The following TNS1 variants were observed in gnomAD, a reference collection of about 807,000 sequenced individuals.
The protein encoded by TNS1 is tensin-1.
Under a neutral mutation model 168.6 loss-of-function variants are expected in TNS1, and 62 were observed. The ratio of observed to expected loss-of-function variants is 0.37; its 90% CI spans 0.30 to 0.45. The LOEUF is 0.45. TNS1 is among the 20% of genes least tolerant of loss of function. TNS1 has a pLI of 1.00. For synonymous variants in TNS1, 934 were observed against 933.2 expected (o/e 1.00, Z -0.02); for missense variants, 2,240 against 2,339.4 (o/e 0.96, Z 0.88).
Position 218,010,009 on chromosome 2 carries a change from C to A in TNS1, c.96+91G>T, listed in dbSNP as rs1014748980. On this transcript the variant is annotated intron_variant, in intron 1 of 32. Coordinates refer to the TNS1 transcript ENST00000646520. The stretch of plus-strand genomic sequence containing the variant: ...GAGAGTGGAGGGTAGTAAGTCAGAT[C>A]GAATGCCCAGGAGACTGCGGGAGGG... 1.1e-5 allele frequency: 4 copies of A among 376,542 alleles called. No homozygotes were observed. The East Asian group carries it at 1.1e-4, about 10-fold the overall frequency. The allele number at this position is 376,542 out of a possible 1,614,324, so 23.3% of individuals were successfully genotyped here.
chr2:217,848,065 G>A lies in TNS1; in HGVS notation c.2452C>T (p.Leu818Phe). 1 of 1,540,246 alleles carries A rather than the reference G, an allele frequency of 6.5e-7. No homozygotes were observed. The highest frequency in any genetic ancestry group is 8.7e-7 in the Non-Finnish European group (1 of 1,143,418). The change falls in exon 19 of 33, where the codon CTC (leucine) becomes TTC (phenylalanine). Residue 818 changes from leucine (L) to phenylalanine (F), a missense_variant. Around this residue, in one of 2 missense-constraint regions of TNS1, gnomAD observed 2,131 missense variants for 2,171.2 expected, o/e 0.98. Coordinates refer to ENST00000682258, the MANE Select transcript of TNS1 (RefSeq NM_001387777.1). ...GAGGCTGCTCGCGGGAACTCAGGGA[G>A]ACTGGGGATGGGGGTCTCTGCCAAT... ...QPLAETPIPS[L>F]PEFPRAASQQ...
chr2:217,809,288 G>C (rs1467154099), intron 30 of TNS1, among the ~76,000 whole-genome samples: 1 of 100,264 alleles, frequency 1.0e-5, no homozygotes, highest in African/African-American at 4.6e-5. Context: ...TGCATGGATG[G>C]ATGGATGGAT....
chr2:217,850,045 T>G, intron 18 of TNS1: 1 of 985,392 alleles, frequency 1.0e-6, no homozygotes, highest in Non-Finnish European at 1.2e-6. Flanking sequence ...TCCCCAGCAC[T>G]GCCCACTCCT....
At chr2:217,851,600 C>A (rs1947505508) in intron 18 of TNS1, among the ~76,000 whole-genome samples, 1 of 152,146 alleles carries the variant, frequency 6.6e-6, no homozygotes, top group African/African-American at 2.4e-5. Context: ...CAAAGTATTG[C>A]AGCAGCCCAG....
rs945842743 is a variant in TNS1, at chr2:217,849,181, G to A, written c.1430-94C>T. 1.2e-5 allele frequency: 17 copies of A among 1,456,592 alleles called. No individual in the cohort carries two copies. The African/African-American group carries it at 1.7e-4, about 15-fold the overall frequency. 90.2% of individuals were successfully genotyped at this position (1,456,592 alleles called of 1,614,324 possible). A position where few individuals can be genotyped will look rare whatever the true frequency, so the allele number is the denominator to read the frequency against. On this transcript the variant is annotated intron_variant, in intron 18 of 32. Coordinates refer to ENST00000682258, the MANE Select transcript of TNS1 (RefSeq NM_001387777.1). ...ACTCTGCCAGAGAAAGAAGCTAAGA[G>A]CTCCCATGCCCTGCATCCTAAAACC... is the stretch of plus-strand genomic sequence containing the variant.
At chr2:218,016,645 G>GACCCAGATCT (rs1450572194) in intron 1 of TNS1, among the ~76,000 whole-genome samples, 1 of 152,210 alleles carries the variant, frequency 6.6e-6, no homozygotes, top group Non-Finnish European at 1.5e-5. Flanking sequence ...GGGGGACCCA[G>GACCCAGATCT]GTCACACAGA....
intron 21 of TNS1, among the ~76,000 whole-genome samples, chr2:217,833,986 A>G (rs541989761): frequency 1.3e-5 from 2 of 152,366 alleles, no homozygotes; most frequent in African/African-American, 4.8e-5. Flanking sequence ...TTTAACAAAA[A>G]TGTTATTAAA....
intron 18 of TNS1, among the ~76,000 whole-genome samples, chr2:217,864,884 C>T (rs1949116856): frequency 1.3e-5 from 2 of 152,182 alleles, no homozygotes; most frequent in South Asian, 4.1e-4. Flanking sequence ...AATTACAGCT[C>T]CCAATACTGT....
At chr2:217,946,286 C>T (rs769583750) in intron 3 of TNS1, among the ~76,000 whole-genome samples, 28 of 152,174 alleles carry the variant, frequency 1.8e-4, no homozygotes, top group Non-Finnish European at 3.2e-4. Flanking sequence ...GGCTCACTAA[C>T]GCCCTGACAT....
intron 1 of TNS1, among the ~76,000 whole-genome samples, chr2:218,030,838 A>G (rs1958885741): frequency 6.6e-6 from 1 of 152,198 alleles, no homozygotes; most frequent in Non-Finnish European, 1.5e-5. Context: ...ATGTTTGCAC[A>G]GTGGCTGTGT....
intron 32 of TNS1, among the ~76,000 whole-genome samples, chr2:217,807,290 G>C (rs1939327851): frequency 6.6e-6 from 1 of 152,188 alleles, no homozygotes; most frequent in Non-Finnish European, 1.5e-5. Flanking sequence ...CATGGTGATA[G>C]TCTCATGTCA....
At position 217,917,859 on chromosome 2, in the gene TNS1, T is replaced by C. The variant is rs1015743218; in HGVS notation, c.228+2336A>G. ...AAAAAAAAAAAAAAAGACTTGCGAC[T>C]GGGGGAAAAGCCTTGTGGGTATCTG... On this transcript the variant is annotated intron_variant, in intron 4 of 32. Coordinates refer to ENST00000682258, the MANE Select transcript of TNS1 (RefSeq NM_001387777.1). Among the ~76,000 whole-genome samples the C allele has an allele frequency of 5.4e-5, 7 of 129,698 alleles. No homozygotes were observed. In the South Asian group the frequency reaches 1.8e-3, roughly 33 times the overall value. The allele number at this position is 129,698 out of a possible 152,430, so 85.1% of individuals were successfully genotyped here.
intron 18 of TNS1, among the ~76,000 whole-genome samples, chr2:217,871,671 C>T (rs1283053574): frequency 6.6e-6 from 1 of 152,290 alleles, no homozygotes; most frequent in Non-Finnish European, 1.5e-5. Flanking sequence ...AGAGTGAGCA[C>T]TGGGACTCTG....
intron 3 of TNS1, among the ~76,000 whole-genome samples, chr2:217,967,753 A>G (rs77410613): frequency 0.015 from 2,283 of 152,334 alleles, 68 homozygotes; most frequent in African/African-American, 0.05. Flanking sequence ...AGAAGAATCA[A>G]TATCAATTCT....
chr2:217,881,006 G>A lies in TNS1; in HGVS notation c.1321C>T (p.His441Tyr). 1.9e-6 allele frequency: 3 copies of A among 1,613,482 alleles called. No homozygotes were observed. Among genetic ancestry groups the A allele is most frequent in the Non-Finnish European group, 1.7e-6 (2 of 1,179,452 alleles). Residue 441 changes from histidine (H) to tyrosine (Y), a missense_variant, in exon 18 of 33, where the codon CAC becomes TAC. Coordinates refer to ENST00000682258, the MANE Select transcript of TNS1 (RefSeq NM_001387777.1). ...YGPEKIQGMEHLENGPSVSVD... is the reference protein window; with the variant it reads ...YGPEKIQGMEYLENGPSVSVD... Reference sequence around the variant, plus strand: ...GACACGCTCGGCCCGTTCTCCAGGTGCTCCATGCCTAAGTGGGATGGGAAA... The same window carrying A: ...GACACGCTCGGCCCGTTCTCCAGGTACTCCATGCCTAAGTGGGATGGGAAA...
chr2:217,872,822 C>G (rs563493112), intron 18 of TNS1, among the ~76,000 whole-genome samples: 22 of 152,282 alleles, frequency 1.4e-4, no homozygotes, highest in African/African-American at 5.3e-4. Context: ...TATGGATAAA[C>G]AAAATATGGT....
chr2:217,959,743 ATGAGACT>A (rs1957450988), intron 3 of TNS1, among the ~76,000 whole-genome samples: 1 of 152,138 alleles, frequency 6.6e-6, no homozygotes, highest in Non-Finnish European at 1.5e-5. Context: ...CAAGGTTCTG[ATGAGACT>A]GGCCCAAGGG....
intron 3 of TNS1, among the ~76,000 whole-genome samples, chr2:217,933,546 ACAGCCAATTC>A (rs1258736303): frequency 1.3e-5 from 2 of 152,158 alleles, no homozygotes; most frequent in Non-Finnish European, 2.9e-5. Flanking sequence ...GGCCCCAAGC[ACAGCCAATTC>A]CAGGAAGCCA....
In TNS1 at chr2:217,948,552, G is replaced by A. The variant is rs147513135; in HGVS notation, c.187-28316C>T. On this transcript the variant is annotated intron_variant, in intron 3 of 32. Coordinates refer to ENST00000682258, the MANE Select transcript of TNS1 (RefSeq NM_001387777.1). This position sits in a 1 kb window ranked among gnomAD's most constrained non-coding sequence, Gnocchi z 4.1. Reference sequence around the variant, plus strand: ...TCCCTCTTCTGACCATGCCCTCCCCGCTACAGCTAGAGATGAGTTCGGGCT... The same window carrying A: ...TCCCTCTTCTGACCATGCCCTCCCCACTACAGCTAGAGATGAGTTCGGGCT... Among the ~76,000 whole-genome samples, 2,823 of 152,138 alleles carry A rather than the reference G, an allele frequency of 0.019. 37 individuals carry two copies. The highest frequency in any genetic ancestry group is 0.085 in the Middle Eastern group (25 of 294).
Sources: allele counts gnomAD v4.1 joint callset (sites outside exome capture counted in the v4.1 genomes callset), GRCh38; gene constraint gnomAD v4.1.1; regional missense constraint gnomAD v4.1.1; non-coding constraint Gnocchi (gnomAD v3.1); transcripts MANE v1.5; gene names NCBI Gene and HGNC (gene_info 2026-07-23, HGNC 2026-07-21).